The following FRMD4A variants were observed in gnomAD, a reference collection of about 807,000 sequenced individuals.
FRMD4A encodes FERM domain containing 4A.
Under a neutral mutation model 129.1 loss-of-function variants are expected in FRMD4A, and 29 were observed. The ratio of observed to expected loss-of-function variants is 0.22; its 90% CI spans 0.17 to 0.31. FRMD4A has a LOEUF of 0.31. Ranked by LOEUF, FRMD4A falls within the 10% of genes least tolerant of loss-of-function variation. The pLI, the probability that FRMD4A is intolerant of heterozygous loss-of-function variation, is 1.00. For synonymous variants in FRMD4A, 634 were observed against 571.6 expected (o/e 1.11, Z -1.56); for missense variants, 1,272 against 1,375.8 (o/e 0.92, Z 1.19).
chr10:14,039,360 G>GTCCA (rs144668922), intron 2 of FRMD4A, among the ~76,000 whole-genome samples: 15 of 22,052 alleles, frequency 6.8e-4, no homozygotes, highest in Non-Finnish European at 1.6e-3. Flanking sequence ...TTTCTGATCT[G>GTCCA]TCCGTCCGTC....
At chr10:13,687,819 G>A (rs11258522) in intron 15 of FRMD4A, among the ~76,000 whole-genome samples, 13,380 of 152,188 alleles carry the variant, frequency 0.088, 978 homozygotes, top group African/African-American at 0.2. Flanking sequence ...GATTCAGGAC[G>A]CGGGTTCCAC....
At chr10:14,295,818 C>T (rs1320079468) in intron 2 of FRMD4A, among the ~76,000 whole-genome samples, 1 of 152,086 alleles carries the variant, frequency 6.6e-6, no homozygotes, top group African/African-American at 2.4e-5. Context: ...CTAACATGTA[C>T]ATAAATTCAA....
At chr10:14,073,081 G>A (rs908035051) in intron 2 of FRMD4A, among the ~76,000 whole-genome samples, 2 of 152,138 alleles carry the variant, frequency 1.3e-5, no homozygotes, top group South Asian at 2.1e-4. Context: ...CATACACTAC[G>A]AGAACCCCTT....
At chr10:13,652,050 G>A (rs769307434) in intron 23 of FRMD4A, 76 bp from the exon 24 acceptor site, 12 of 817,790 alleles carry the variant, frequency 1.5e-5, no homozygotes, top group African/African-American at 3.3e-5. Flanking sequence ...ACACAGACAC[G>A]ATTAGTAGCT....
At chr10:14,233,829 A>G (rs1469103313) in intron 2 of FRMD4A, among the ~76,000 whole-genome samples, 1 of 152,262 alleles carries the variant, frequency 6.6e-6, no homozygotes, top group East Asian at 1.9e-4. Context: ...TTCAAGAGCT[A>G]AAGTCAGAAT....
intron 2 of FRMD4A, among the ~76,000 whole-genome samples, chr10:14,241,371 G>C (rs778781993): frequency 6.6e-6 from 1 of 152,008 alleles, no homozygotes; most frequent in Non-Finnish European, 1.5e-5. Context: ...CTTGTTTTTT[G>C]AAAAAGCTTC....
intron 2 of FRMD4A, among the ~76,000 whole-genome samples, chr10:14,074,125 G>C (rs560167476): frequency 1.8e-3 from 274 of 152,114 alleles, no homozygotes; most frequent in African/African-American, 6.2e-3. Context: ...AATTTTTTTT[G>C]TTTCATATGT....
intron 2 of FRMD4A, among the ~76,000 whole-genome samples, chr10:14,294,605 TA>T (rs1181463841): frequency 1.3e-5 from 2 of 152,164 alleles, no homozygotes; most frequent in African/African-American, 4.8e-5. Flanking sequence ...AGTATTCTTT[TA>T]AAAAAAGACT....
chr10:14,214,384 G>A (rs1046823914), intron 2 of FRMD4A, among the ~76,000 whole-genome samples: 2 of 152,148 alleles, frequency 1.3e-5, no homozygotes, highest in African/African-American at 2.4e-5. Context: ...ATCTAGCTTT[G>A]ACTGTGTCAC....
At chr10:13,850,688 C>G (rs1173764484) in intron 3 of FRMD4A, among the ~76,000 whole-genome samples, 1 of 152,156 alleles carries the variant, frequency 6.6e-6, no homozygotes, top group East Asian at 1.9e-4. Flanking sequence ...TCCAGGTGAA[C>G]TATTAATAGA....
intron 2 of FRMD4A, among the ~76,000 whole-genome samples, chr10:14,219,668 C>T (rs1843183970): frequency 6.6e-6 from 1 of 152,132 alleles, no homozygotes; most frequent in Admixed American, 6.5e-5. Context: ...CATGAGAGTA[C>T]ACAGAGACAG....
intron 2 of FRMD4A, among the ~76,000 whole-genome samples, chr10:13,884,168 TCACACACTCACA>T (rs2094584462): frequency 5.0e-4 from 34 of 67,436 alleles, no homozygotes; most frequent in African/African-American, 2.1e-3. Flanking sequence ...ACACACACAC[TCACACACTCACA>T]CACACACACA....
At chr10:13,835,551 C>A (rs1415671266) in intron 3 of FRMD4A, among the ~76,000 whole-genome samples, 2 of 152,112 alleles carry the variant, frequency 1.3e-5, no homozygotes, top group Admixed American at 6.5e-5. Context: ...CACCTCCCTT[C>A]AGATCAGTGG....
chr10:13,714,044 A>AAAATATATATTT (rs1316983712), intron 12 of FRMD4A, among the ~76,000 whole-genome samples: 443 of 9,848 alleles, frequency 0.045, 46 homozygotes, highest in Non-Finnish European at 0.059. Context: ...ATATATATAT[A>AAAATATATATTT]TATATATATA....
At chr10:14,047,648 A>T (rs1290903582) in intron 2 of FRMD4A, among the ~76,000 whole-genome samples, 1 of 152,232 alleles carries the variant, frequency 6.6e-6, no homozygotes, top group Admixed American at 6.5e-5. Flanking sequence ...ATAATCCAGG[A>T]AACAAAACTG....
At chr10:14,185,638 G>C (rs906082973) in intron 2 of FRMD4A, among the ~76,000 whole-genome samples, 1 of 152,214 alleles carries the variant, frequency 6.6e-6, no homozygotes, top group Non-Finnish European at 1.5e-5. Flanking sequence ...CATGGTCAGA[G>C]AGCTGCAGGG....
intron 2 of FRMD4A, among the ~76,000 whole-genome samples, chr10:14,031,023 T>A (rs919976505): frequency 1.3e-5 from 2 of 152,202 alleles, no homozygotes; most frequent in African/African-American, 4.8e-5. Context: ...CCTGAACTTA[T>A]GATGGGGTGA....
At chr10:14,082,001 C>A (rs1835955100) in intron 2 of FRMD4A, among the ~76,000 whole-genome samples, 1 of 152,222 alleles carries the variant, frequency 6.6e-6, no homozygotes, top group South Asian at 2.1e-4. Flanking sequence ...GTAATCCCAG[C>A]ACTTTGGGAG....
chr10:14,266,295 G>A (rs1158535904), intron 2 of FRMD4A, among the ~76,000 whole-genome samples: 2 of 152,122 alleles, frequency 1.3e-5, no homozygotes, highest in Non-Finnish European at 2.9e-5. Flanking sequence ...AATGTCCTGG[G>A]GCTGGGAAGA....
Sources: gnomAD v4.1 joint callset for allele counts (sites outside exome capture counted in the v4.1 genomes callset) on GRCh38, gnomAD v4.1.1 for gene constraint, MANE v1.5 for transcripts, NCBI Gene and HGNC (gene_info 2026-07-23, HGNC 2026-07-21) for gene names.